The following PITRM1 variants were observed in gnomAD, a reference collection of about 807,000 sequenced individuals.
PITRM1 encodes the protein pitrilysin metallopeptidase 1, also known as presequence protease, mitochondrial.
A neutral mutation model predicts 129.9 loss-of-function variants in PITRM1; 100 were observed. That is an observed-to-expected ratio of 0.77 (90% confidence interval 0.65 to 0.91). The LOEUF (loss-of-function observed/expected upper bound fraction) is 0.91. Ranked by LOEUF, PITRM1 falls within the 40% of genes least tolerant of loss-of-function variation. The pLI is 0.00. For synonymous variants in PITRM1, 591 were observed against 508.8 expected, an observed-to-expected ratio of 1.16 and a Z score of -2.17; for missense variants, 1,471 against 1,318.3, an observed-to-expected ratio of 1.12 and a Z score of -1.79.
At chr10:3,170,877 C>G (rs571652980) in intron 1 of PITRM1, among the ~76,000 whole-genome samples, 1 of 151,924 alleles carries the variant, frequency 6.6e-6, no homozygotes, top group Non-Finnish European at 1.5e-5. Context: ...GCAGGAGAAT[C>G]GCTTGAACCC....
chr10:3,141,713 G>A (rs939530390), intron 23 of PITRM1: 11 of 465,938 alleles, frequency 2.4e-5, no homozygotes, highest in African/African-American at 6.0e-5. Flanking sequence ...GCCCCAGGTC[G>A]CCGCTTCCAC....
At chr10:3,150,747 A>C (rs530899481) in intron 15 of PITRM1, among the ~76,000 whole-genome samples, 1 of 152,324 alleles carries the variant, frequency 6.6e-6, no homozygotes, top group Admixed American at 6.5e-5. Flanking sequence ...CCATGGAATG[A>C]AACGTGTCAC....
At chr10:3,169,196 C>A (rs1338209415) in intron 2 of PITRM1, among the ~76,000 whole-genome samples, 1 of 152,202 alleles carries the variant, frequency 6.6e-6, no homozygotes, top group Non-Finnish European at 1.5e-5. Context: ...TACCATAAAC[C>A]CAAGTGTCTT....
At chr10:3,171,410 G>C (rs776919361) in intron 1 of PITRM1, among the ~76,000 whole-genome samples, 2 of 150,612 alleles carry the variant, frequency 1.3e-5, no homozygotes, top group Non-Finnish European at 2.9e-5. Flanking sequence ...AGAGAGTTAC[G>C]AGCAGTTAGG....
At position 3,170,199 on chromosome 10, in the gene PITRM1, G is replaced by A; in HGVS notation, c.64C>T (p.His22Tyr). 3 of 1,613,184 alleles carry A rather than the reference G, an allele frequency of 1.9e-6. No individual in the cohort carries two copies. The highest frequency in any genetic ancestry group is 1.1e-5 in the South Asian group (1 of 91,032). ...CTGTTCCATCGCCACGCTCTGTGGT[G>A]TGCATGTCTAGATTAAAAGTCATCT... is the stretch of plus-strand genomic sequence containing the variant. ...VLRRLSGGHAHHRAWRWNSNR... is the reference protein window; with the variant it reads ...VLRRLSGGHAYHRAWRWNSNR... Residue 22 changes from histidine to tyrosine, a missense_variant, in exon 2 of 27, where the codon CAC becomes TAC. Coordinates refer to ENST00000224949, the MANE Select transcript of PITRM1 (RefSeq NM_014889.4).
At position 3,158,055 on chromosome 10, in the gene PITRM1, A is replaced by G. The variant is rs1230696865; in HGVS notation, c.1235T>C (p.Ile412Thr). The change falls in exon 11 of 27, where the codon ATT (isoleucine) becomes ACT (threonine). Residue 412 changes from isoleucine (I) to threonine (T), a missense_variant. Transcript: ENST00000224949. ...ETVRSLIDRT[I>T]DEVVEKGFED... ...CTACACTCACTCAACTACTTCATCA[A>G]TCGTTCTGTCTATGAGGCTTCTGAC... 4 of 1,602,064 alleles carry G rather than the reference A, an allele frequency of 2.5e-6. No homozygotes were observed. The highest frequency in any genetic ancestry group is 3.4e-6 in the Non-Finnish European group (4 of 1,168,856).
intron 2 of PITRM1, among the ~76,000 whole-genome samples, chr10:3,169,666 A>G (rs2132525277): frequency 1.3e-5 from 2 of 152,384 alleles, no homozygotes; most frequent in Middle Eastern, 6.8e-3. Context: ...GTACAGGTCC[A>G]CAATTGCTTC....
At chr10:3,146,310 A>G (rs1840856541) in intron 20 of PITRM1, 1 of 153,532 alleles carries the variant, frequency 6.5e-6, no homozygotes. Flanking sequence ...AGCAGGTACC[A>G]TTATATTAAT....
At chr10:3,163,937 C>A in intron 6 of PITRM1, 52 bp from the exon 7 acceptor site, 3 of 1,250,944 alleles carry the variant, frequency 2.4e-6, no homozygotes, top group Non-Finnish European at 3.3e-6. Context: ...ATAATACACA[C>A]GTTACATTAC....
intron 6 of PITRM1, 138 bp from the exon 7 acceptor site, chr10:3,164,023 T>TA (rs5782688): frequency 0.33 from 111,195 of 332,328 alleles, 12,657 homozygotes; most frequent in African/African-American, 0.41. Context: ...TCTAATGGTT[T>TA]AAAAAAAAAA....
chr10:3,143,106 G>C (rs561108673), intron 23 of PITRM1: 2 of 413,376 alleles, frequency 4.8e-6, no homozygotes, highest in South Asian at 5.8e-5. Flanking sequence ...CATGGGGCAT[G>C]TTGAAAGCAG....
At chr10:3,147,544 T>A (rs772425504) in intron 19 of PITRM1, 28 bp downstream of exon 19, 21 of 1,609,018 alleles carry the variant, frequency 1.3e-5, no homozygotes, top group Non-Finnish European at 1.4e-5. Flanking sequence ...TAAACCGGAG[T>A]AATAGAGGTT....
chr10:3,165,116 A>T, intron 6 of PITRM1, 122 bp downstream of exon 6: 1 of 771,296 alleles, frequency 1.3e-6, no homozygotes, highest in Non-Finnish European at 2.1e-6. Flanking sequence ...GACCCCAGCT[A>T]ATTCAAGAAT....
At chr10:3,162,773 G>A (rs547080010) in intron 7 of PITRM1, among the ~76,000 whole-genome samples, 11 of 152,322 alleles carry the variant, frequency 7.2e-5, no homozygotes, top group East Asian at 1.9e-4. Context: ...AAGTGAGTGC[G>A]CCAGAAAGAA....
rs751082530 is a variant in PITRM1 at position 3,170,094 on chromosome 10, C to T, written c.159+10G>A. 10 of 1,594,942 alleles carry T rather than the reference C, an allele frequency of 6.3e-6. No individual in the cohort carries two copies. Among genetic ancestry groups the T allele is most frequent in the Non-Finnish European group, 6.9e-6 (8 of 1,162,676 alleles). ...TGGATTTATAAGGAGGTGCCGAGGA[C>T]GACCCATACCTGGTTTACGGTGAAT... On this transcript the variant is annotated intron_variant, in intron 2 of 26. Coordinates refer to ENST00000224949, the MANE Select transcript of PITRM1 (RefSeq NM_014889.4).
intron 14 of PITRM1, among the ~76,000 whole-genome samples, chr10:3,153,834 C>T (rs1017493955): frequency 2.6e-5 from 4 of 152,168 alleles, no homozygotes; most frequent in Non-Finnish European, 4.4e-5. Context: ...AATCCCAGCC[C>T]AATTAGCTTT....
chr10:3,172,785 G>T, upstream of PITRM1: 1 of 1,527,144 alleles, frequency 6.5e-7, no homozygotes, highest in Non-Finnish European at 8.8e-7. Flanking sequence ...CGCATGACGA[G>T]CACCTGGCTG....
At position 3,160,256 on chromosome 10, in the gene PITRM1, T is replaced by C; in HGVS notation, c.866A>G (p.Gln289Arg). 6.2e-7 allele frequency: 1 copy of C among 1,613,988 alleles called. No individual in the cohort carries two copies. Among genetic ancestry groups the C allele is most frequent in the African/African-American group, 1.3e-5 (1 of 75,052 alleles). The change falls in exon 8 of 27, where the codon CAG becomes CGG. Residue 289 changes from glutamine to arginine, a missense_variant. Transcript: ENST00000224949. ...CACCACGGTGCTTGGTTCAATTTTCTGGAATTTGCTCAGTGCTTCCTCGTG... is the reference window on the plus strand; with the variant it reads ...CACCACGGTGCTTGGTTCAATTTTCCGGAATTTGCTCAGTGCTTCCTCGTG... ...QIHEEALSKF[Q>R]KIEPSTVVPA...
chr10:3,158,252 C>T (rs1468626861), intron 10 of PITRM1, 99 bp from the exon 11 acceptor site: 3 of 689,812 alleles, frequency 4.3e-6, no homozygotes, highest in Non-Finnish European at 7.6e-6. Context: ...GCGCCTTAAA[C>T]TCCAGCCCCT....
Sources: gnomAD v4.1 joint callset for allele counts (sites outside exome capture counted in the v4.1 genomes callset) on GRCh38, gnomAD v4.1.1 for gene constraint, MANE v1.5 for transcripts, NCBI Gene and HGNC (gene_info 2026-07-23, HGNC 2026-07-21) for gene names.